The following GNAI1 variants were observed in gnomAD, a reference collection of about 807,000 sequenced individuals.
GNAI1 encodes the protein guanine nucleotide-binding protein G(i) subunit alpha-1.
Under a neutral mutation model 38.9 loss-of-function variants are expected in GNAI1, and 11 were observed. That is an observed-to-expected ratio of 0.28 (90% CI 0.18 to 0.47). The LOEUF (loss-of-function observed/expected upper bound fraction) is 0.47. Among genes scored for constraint, GNAI1 ranks in the 20% least tolerant of loss-of-function variants. The pLI, the probability that GNAI1 is intolerant of heterozygous loss-of-function variation, is 0.99. For missense variants in GNAI1, 317 were observed against 436.9 expected, an observed-to-expected ratio of 0.73 and a Z score of 2.45; for synonymous variants, 166 against 145.1, an observed-to-expected ratio of 1.14 and a Z score of -1.04.
chr7:80,217,522 T>C lies in GNAI1; in HGVS notation c.*29T>C, dbSNP rs1315141976. ...TTGCAGTTCATGGTAAAATGCATTTTCAAACCAAATGAGTACTTATATATG... is the reference window on the plus strand; with the variant it reads ...TTGCAGTTCATGGTAAAATGCATTTCCAAACCAAATGAGTACTTATATATG... On this transcript the variant is annotated 3_prime_UTR_variant, in exon 8 of 8. Coordinates refer to ENST00000649796, the MANE Select transcript of GNAI1 (RefSeq NM_002069.6). The C allele has an allele frequency of 2.3e-6, 3 of 1,318,438 alleles. No individual in the cohort carries two copies. The South Asian group carries it at 4.0e-5, about 18-fold the overall frequency. 81.7% of individuals were successfully genotyped at this position (1,318,438 alleles called of 1,614,324 possible). A position where few individuals can be genotyped will look rare whatever the true frequency, so the allele number is the denominator to read the frequency against.
intron 1 of GNAI1, among the ~76,000 whole-genome samples, chr7:80,146,775 A>G (rs540207759): frequency 6.6e-6 from 1 of 152,316 alleles, no homozygotes; most frequent in South Asian, 2.1e-4. Flanking sequence ...CTCACATCTT[A>G]TCTGGCCTTT....
At position 80,152,641 on chromosome 7, in the gene GNAI1, A is replaced by G. The variant is rs1220065159; in HGVS notation, c.118+17363A>G. Among the ~76,000 whole-genome samples the G allele has an allele frequency of 2.7e-5, 4 of 146,556 alleles. No homozygotes were observed. The East Asian group carries it at 8.0e-4, about 29-fold the overall frequency. ...AGTGGCGCATTCTCGGCTCACTTCA[A>G]CCTCCAACTTCCGGGTTCATGCCAT... On this transcript the variant is annotated intron_variant, in intron 1 of 7. Transcript: ENST00000649796.
At chr7:80,213,771 A>G (rs573053137) in intron 7 of GNAI1, among the ~76,000 whole-genome samples, 1 of 152,122 alleles carries the variant, frequency 6.6e-6, no homozygotes, top group African/African-American at 2.4e-5. Context: ...TTTGATTACC[A>G]CTGGTTTATG....
At chr7:80,167,359 G>A (rs1047989880) in intron 1 of GNAI1, among the ~76,000 whole-genome samples, 1 of 152,162 alleles carries the variant, frequency 6.6e-6, no homozygotes, top group African/African-American at 2.4e-5. Context: ...GCTTAAGATG[G>A]TGGTCAGTGT....
At chr7:80,149,537 A>G (rs1344132824) in intron 1 of GNAI1, among the ~76,000 whole-genome samples, 3 of 152,112 alleles carry the variant, frequency 2.0e-5, no homozygotes, top group Non-Finnish European at 4.4e-5. Flanking sequence ...TTGATGGATA[A>G]CAATGGCTTC....
chr7:80,189,255 C>G (rs1334866190), intron 3 of GNAI1, 24 bp downstream of exon 3: 3 of 1,601,602 alleles, frequency 1.9e-6, no homozygotes, highest in Non-Finnish European at 2.6e-6. Flanking sequence ...TTTGTTGGAG[C>G]TGACCTGATG....
At chr7:80,204,569 A>G (rs1042936257) in intron 5 of GNAI1, among the ~76,000 whole-genome samples, 1 of 152,144 alleles carries the variant, frequency 6.6e-6, no homozygotes, top group Non-Finnish European at 1.5e-5. Flanking sequence ...CTTAAACACA[A>G]CGAAATATAA....
At chr7:80,158,616 G>GT (rs1209539808) in intron 1 of GNAI1, among the ~76,000 whole-genome samples, 2 of 152,266 alleles carry the variant, frequency 1.3e-5, no homozygotes, top group Admixed American at 6.5e-5. Context: ...TGCCATGATT[G>GT]TAAGTTTCCT....
intron 7 of GNAI1, among the ~76,000 whole-genome samples, chr7:80,216,645 T>C (rs1302777670): frequency 6.6e-6 from 1 of 152,188 alleles, no homozygotes; most frequent in Non-Finnish European, 1.5e-5. Context: ...CAAGTGTATA[T>C]CTAGAAACTG....
intron 1 of GNAI1, among the ~76,000 whole-genome samples, chr7:80,154,478 G>A (rs989937602): frequency 2.6e-5 from 4 of 151,982 alleles, no homozygotes; most frequent in Non-Finnish European, 4.4e-5. Flanking sequence ...GGAAAGAGTG[G>A]CAGGAATGAG....
At chr7:80,210,692 T>C (rs1788856712) in intron 5 of GNAI1, among the ~76,000 whole-genome samples, 1 of 151,888 alleles carries the variant, frequency 6.6e-6, no homozygotes. Flanking sequence ...CTCATGTGTG[T>C]TAATGTCTCG....
At chr7:80,150,502 G>A (rs868090818) in intron 1 of GNAI1, among the ~76,000 whole-genome samples, 7 of 152,164 alleles carry the variant, frequency 4.6e-5, no homozygotes, top group Non-Finnish European at 8.8e-5. Flanking sequence ...TATGCCATAT[G>A]TTTATAGGTA....
At chr7:80,185,706 G>A (rs1271103280) in intron 1 of GNAI1, among the ~76,000 whole-genome samples, 1 of 152,142 alleles carries the variant, frequency 6.6e-6, no homozygotes, top group Non-Finnish European at 1.5e-5. Flanking sequence ...AGGCAACGAT[G>A]TGCAGCGTTA....
In GNAI1 at chr7:80,135,046, T is replaced by G; in HGVS notation, c.-115T>G. The G allele has an allele frequency of 1.9e-6, 1 of 529,422 alleles. No homozygotes were observed. Among genetic ancestry groups the G allele is most frequent in the Non-Finnish European group, 3.1e-6 (1 of 324,664 alleles). 32.8% of individuals were successfully genotyped at this position (529,422 alleles called of 1,614,324 possible). A position where few individuals can be genotyped will look rare whatever the true frequency, so the allele number is the denominator to read the frequency against. On this transcript the variant is annotated 5_prime_UTR_variant, in exon 1 of 8. Transcript: ENST00000649796. ...CGCTTAGGAAGTGGTGGGGGCGGCG[T>G]GGCCCCCGTCGGGAGGCGTTCGAAC...
intron 3 of GNAI1, among the ~76,000 whole-genome samples, chr7:80,190,364 T>G (rs1194027620): frequency 2.0e-5 from 3 of 152,010 alleles, no homozygotes; most frequent in Non-Finnish European, 4.4e-5. Flanking sequence ...TCAAGTAGAT[T>G]TCAATATCAT....
chr7:80,153,893 A>G (rs540560336), intron 1 of GNAI1, among the ~76,000 whole-genome samples: 2 of 152,250 alleles, frequency 1.3e-5, no homozygotes, highest in Admixed American at 1.3e-4. Flanking sequence ...AGGCTTATAT[A>G]GTCACTGAAC....
chr7:80,145,064 G>C (rs1371045344), intron 1 of GNAI1, among the ~76,000 whole-genome samples: 1 of 152,124 alleles, frequency 6.6e-6, no homozygotes, highest in African/African-American at 2.4e-5. Flanking sequence ...CCATCCACCT[G>C]ATCCACTAGC....
At chr7:80,140,216 C>T (rs1348073772) in intron 1 of GNAI1, among the ~76,000 whole-genome samples, 4 of 151,882 alleles carry the variant, frequency 2.6e-5, no homozygotes, top group Admixed American at 1.3e-4. Context: ...GATCTCCTGA[C>T]CTCGTGATCC....
In GNAI1 at chr7:80,224,590, T is replaced by C. The variant is rs1258583813; in HGVS notation, c.*7097T>C. Among the ~76,000 whole-genome samples, 1 of 152,216 alleles carries C rather than the reference T, an allele frequency of 6.6e-6. No individual in the cohort carries two copies. The highest frequency in any genetic ancestry group is 2.4e-5 in the African/African-American group (1 of 41,466). The stretch of plus-strand genomic sequence containing the variant: ...TCCAACAGCATTGCCTGAACAGATG[T>C]TAATAAGTATGCATGATGCACATTA... On this transcript the variant is annotated 3_prime_UTR_variant, in exon 8 of 8. Coordinates refer to ENST00000649796, the MANE Select transcript of GNAI1 (RefSeq NM_002069.6).
Sources: allele counts gnomAD v4.1 joint callset (sites outside exome capture counted in the v4.1 genomes callset), GRCh38; gene constraint gnomAD v4.1.1; transcripts MANE v1.5; gene names NCBI Gene and HGNC (gene_info 2026-07-23, HGNC 2026-07-21).